C12orf56: variants seen among roughly 807,000 people sequenced by gnomAD.
C12orf56 encodes chromosome 12 open reading frame 56, also known as uncharacterized protein C12orf56.
In C12orf56, 71 loss-of-function variants were observed where a neutral mutation model predicts 69.9. That is an observed-to-expected ratio of 1.02 (90% confidence interval 0.84 to 1.24). The LOEUF (loss-of-function observed/expected upper bound fraction) is 1.24, where lower values mean the gene tolerates loss of function less well. C12orf56 is among the 50% of genes most tolerant of loss of function. C12orf56 has a pLI of 0.00. For synonymous variants in C12orf56, 276 were observed against 274.1 expected (o/e 1.01, Z -0.07); for missense variants, 732 against 738.5 (o/e 0.99, Z 0.10).
At chr12:64,368,683 A>G (rs1463083029) in intron 1 of C12orf56, among the ~76,000 whole-genome samples, 7 of 152,132 alleles carry the variant, frequency 4.6e-5, no homozygotes, top group African/African-American at 1.7e-4. Flanking sequence ...GTGCCCTATT[A>G]TTAAGTACAT....
chr12:64,277,578 T>C, intron 9 of C12orf56, 102 bp downstream of exon 9: 1 of 772,960 alleles, frequency 1.3e-6, no homozygotes, highest in Non-Finnish European at 1.7e-6. Flanking sequence ...TTTGGTTTAA[T>C]TATGTTTCTC....
At chr12:64,332,066 A>AGGC (rs1427146822) in intron 2 of C12orf56, among the ~76,000 whole-genome samples, 1 of 151,954 alleles carries the variant, frequency 6.6e-6, no homozygotes, top group Admixed American at 6.6e-5. Flanking sequence ...GCAGTTTGGG[A>AGGC]GGCTGAAGCA....
chr12:64,275,651 A>G (rs1199902556), intron 9 of C12orf56, among the ~76,000 whole-genome samples: 3 of 152,132 alleles, frequency 2.0e-5, no homozygotes, highest in African/African-American at 7.2e-5. Flanking sequence ...AATTTTTTGT[A>G]GAGATGAGGT....
chr12:64,371,728 G>T (rs566005141), intron 1 of C12orf56, among the ~76,000 whole-genome samples: 2 of 152,024 alleles, frequency 1.3e-5, no homozygotes, highest in South Asian at 4.2e-4. Flanking sequence ...TACTTGGGAG[G>T]CCGAGGCAGG....
intron 4 of C12orf56, among the ~76,000 whole-genome samples, chr12:64,316,397 C>T (rs1012780466): frequency 1.3e-5 from 2 of 152,018 alleles, no homozygotes; most frequent in Non-Finnish European, 2.9e-5. Flanking sequence ...CACGCCTGGC[C>T]TTACTTTTTA....
At chr12:64,283,494 T>G (rs1368802404) in intron 8 of C12orf56, among the ~76,000 whole-genome samples, 2 of 152,230 alleles carry the variant, frequency 1.3e-5, no homozygotes, top group Admixed American at 6.5e-5. Flanking sequence ...CAAAACGAAG[T>G]TAGGCACATA....
chr12:64,387,077 C>CAAAAAAA (rs869290282), intron 1 of C12orf56, among the ~76,000 whole-genome samples: 477 of 42,112 alleles, frequency 0.011, 92 homozygotes, highest in East Asian at 0.019. Flanking sequence ...GACTCTATCT[C>CAAAAAAA]AAAAAAAAAA....
chr12:64,336,230 C>T (rs2038994853), intron 2 of C12orf56, among the ~76,000 whole-genome samples: 1 of 152,154 alleles, frequency 6.6e-6, no homozygotes, highest in African/African-American at 2.4e-5. Context: ...CTCCTTGTGA[C>T]AGTGGCAGTT....
chr12:64,273,802 C>T (rs754994580), intron 11 of C12orf56, among the ~76,000 whole-genome samples: 2 of 152,122 alleles, frequency 1.3e-5, no homozygotes, highest in Non-Finnish European at 2.9e-5. Flanking sequence ...AAAGCTTCTG[C>T]CCAGAAGTGA....
intron 1 of C12orf56, among the ~76,000 whole-genome samples, chr12:64,373,775 T>A (rs80169978): frequency 0.047 from 7,133 of 151,974 alleles, 558 homozygotes; most frequent in African/African-American, 0.16. Flanking sequence ...CTACCGATAA[T>A]TTTTTTTAGG....
Position 64,295,796 on chromosome 12 carries a change from TATATATA to T in C12orf56, c.1113+7832_1113+7838del, listed in dbSNP as rs2038357433. Among the ~76,000 whole-genome samples the T allele has an allele frequency of 2.0e-5, 3 of 150,818 alleles. No individual in the cohort carries two copies. The South Asian group carries it at 6.2e-4, about 31-fold the overall frequency. ...TCATTTTAAAAGGGAGGGAGAAAAC[TATATATA>T]ATATATATTTTTATATCTATAATAT... On this transcript the variant is annotated intron_variant, in intron 6 of 12. Transcript: ENST00000543942.
Position 64,390,351 on chromosome 12 carries a change from C to A in C12orf56, c.215G>T (p.Arg72Leu). 4 of 1,612,464 alleles carry A rather than the reference C, an allele frequency of 2.5e-6. No individual in the cohort carries two copies. In the South Asian group the frequency reaches 4.4e-5, roughly 18 times the overall value. The change falls in exon 1 of 13, where the codon CGG becomes CTG. Residue 72 changes from arginine to leucine, a missense_variant. Coordinates refer to ENST00000543942, the MANE Select transcript of C12orf56 (RefSeq NM_001170633.2). ...CACGACGTCCCGCAGAGCCACTACC[C>A]GCCGGATGGACTTGGGCGGGTTCTC... ...LTENPPKSIR[R>L]VVALRDVVAI...
Position 64,318,962 on chromosome 12 carries a change from ACTGCTCTCCTGCTGGTC to A in C12orf56, c.490_506del (p.Asp164TyrfsTer69). The A allele has an allele frequency of 1.3e-6, 2 of 1,501,000 alleles. No homozygotes were observed. The highest frequency in any genetic ancestry group is 1.8e-6 in the Non-Finnish European group (2 of 1,129,670). 93.0% of individuals were successfully genotyped at this position (1,501,000 alleles called of 1,614,324 possible). A position where few individuals can be genotyped will look rare whatever the true frequency, so the allele number is the denominator to read the frequency against. On this transcript the variant is annotated frameshift_variant and splice_region_variant, in exon 4 of 13. Coordinates refer to ENST00000543942, the MANE Select transcript of C12orf56 (RefSeq NM_001170633.2). LOFTEE classifies it high-confidence loss of function. ...AGAGAGTTGAGTCCTTGGATGGTGT[ACTGCTCTCCTGCTGGTC>A]CCTGTCAGGTAGAATTTAGTATTAA...
rs899292908 is a variant in C12orf56, at chr12:64,303,754, T to C, written c.994A>G (p.Ser332Gly). ...YRSEEKIKHF[S>G]QLKSELFLKD... ...AGAAAAAGTTCAGATTTAAGTTGAC[T>C]GAAGTGCTTAATTTTCTCCTCAGAC... Residue 332 changes from serine (S) to glycine (G), a missense_variant, in exon 6 of 13, where the codon AGT (serine) becomes GGT (glycine). Physicochemically the swap from Ser to Gly is moderately conservative, Grantham distance 56 (BLOSUM62 0). Coordinates refer to ENST00000543942, the MANE Select transcript of C12orf56 (RefSeq NM_001170633.2). 35 of 1,587,890 alleles carry C rather than the reference T, an allele frequency of 2.2e-5. No individual in the cohort carries two copies. Among genetic ancestry groups the C allele is most frequent in the Non-Finnish European group, 3.0e-5 (35 of 1,169,460 alleles).
intron 2 of C12orf56, among the ~76,000 whole-genome samples, chr12:64,332,389 C>T (rs570823814): frequency 6.6e-6 from 1 of 151,632 alleles, no homozygotes; most frequent in South Asian, 2.1e-4. Flanking sequence ...AATGTGTTCA[C>T]ATGGCCAAAT....
At chr12:64,279,066 G>T (rs1400774783) in intron 8 of C12orf56, among the ~76,000 whole-genome samples, 1 of 152,058 alleles carries the variant, frequency 6.6e-6, no homozygotes, top group Non-Finnish European at 1.5e-5. Context: ...ATAATGTACA[G>T]CATTTCTTTT....
intron 1 of C12orf56, among the ~76,000 whole-genome samples, chr12:64,360,751 T>A (rs1220197080): frequency 2.0e-5 from 3 of 152,220 alleles, no homozygotes; most frequent in African/African-American, 4.8e-5. Context: ...ATCCAGACCC[T>A]TTTTAGCACA....
intron 1 of C12orf56, among the ~76,000 whole-genome samples, chr12:64,377,859 A>T (rs1045221107): frequency 6.6e-5 from 10 of 151,802 alleles, no homozygotes; most frequent in South Asian, 4.2e-4. Context: ...ACCAAAAAAA[A>T]TTTTTTTTTA....
intron 2 of C12orf56, among the ~76,000 whole-genome samples, chr12:64,343,920 A>G (rs1360161833): frequency 6.6e-6 from 1 of 152,168 alleles, no homozygotes; most frequent in Non-Finnish European, 1.5e-5. Flanking sequence ...AAGTATGTCT[A>G]TGCCAATTAT....
Sources: gnomAD v4.1 joint callset for allele counts (sites outside exome capture counted in the v4.1 genomes callset) on GRCh38, gnomAD v4.1.1 for gene constraint, MANE v1.5 for transcripts, NCBI Gene and HGNC (gene_info 2026-07-23, HGNC 2026-07-21) for gene names.